Variants in PCDHGB5 observed in about 807,000 individuals in gnomAD.
PCDHGB5 encodes protocadherin gamma subfamily B, 5.
A neutral mutation model predicts 62.9 loss-of-function variants in PCDHGB5; 48 were observed. That is an observed-to-expected ratio of 0.76 (90% confidence interval 0.61 to 0.97). The LOEUF is 0.97. Among genes scored for constraint, PCDHGB5 ranks in the 50% least tolerant of loss-of-function variants. The pLI is 0.00. For missense variants in PCDHGB5, 1,118 were observed against 1,198.6 expected (o/e 0.93, Z 0.99); for synonymous variants, 474 against 511.2 (o/e 0.93, Z 0.98).
chr5:141,500,461 G>A (rs1343646600), intron 2 of PCDHGB5, among the ~76,000 whole-genome samples: 1 of 151,910 alleles, frequency 6.6e-6, no homozygotes, highest in Non-Finnish European at 1.5e-5. Flanking sequence ...CGCCCGCCTC[G>A]GCCTCCCAAA....
chr5:141,432,173 GTC>G lies in PCDHGB5; in HGVS notation c.2397+31653_2397+31654del. 6.2e-7 allele frequency: 1 copy of G among 1,614,054 alleles called. No individual in the cohort carries two copies. Among genetic ancestry groups the G allele is most frequent in the Non-Finnish European group, 8.5e-7 (1 of 1,180,018 alleles). Reference sequence around the variant, plus strand: ...GAACAATCCCAGAGGAGTTTCCCTCGTCTCTGTGACCGCCCACGACCCCGACT... The same window carrying G: ...GAACAATCCCAGAGGAGTTTCCCTCGTCTGTGACCGCCCACGACCCCGACT... On this transcript the variant is annotated intron_variant, in intron 1 of 3. Coordinates refer to ENST00000617380, the MANE Select transcript of PCDHGB5 (RefSeq NM_018925.3). This position sits in a 1 kb window ranked among gnomAD's most constrained non-coding sequence, Gnocchi z 6.0.
chr5:141,422,670 C>CA (rs754910458), intron 1 of PCDHGB5: 6 of 1,607,126 alleles, frequency 3.7e-6, no homozygotes, highest in Non-Finnish European at 1.7e-6. Flanking sequence ...TCGACCCGGA[C>CA]AGCAAACAGA....
At chr5:141,408,856 G>T in intron 1 of PCDHGB5, 1 of 1,613,518 alleles carries the variant, frequency 6.2e-7, no homozygotes, top group Non-Finnish European at 8.5e-7. Flanking sequence ...TGGACGGAGG[G>T]GACCCACCAA....
rs1456440098 is a variant in PCDHGB5 at position 141,399,413 on chromosome 5, C to A, written c.1286C>A (p.Ser429Tyr). 2 of 1,613,930 alleles carry A rather than the reference C, an allele frequency of 1.2e-6. No homozygotes were observed. The highest frequency in any genetic ancestry group is 1.3e-5 in the African/African-American group (1 of 74,950). The change falls in exon 1 of 4, where the codon TCC becomes TAC. Residue 429 changes from serine to tyrosine, a missense_variant. Around this residue, in one of 2 missense-constraint regions of PCDHGB5, gnomAD observed 1,034 missense variants for 1,029.1 expected, o/e 1.00. Coordinates refer to ENST00000617380, the MANE Select transcript of PCDHGB5 (RefSeq NM_018925.3). ...TATDRGKPPL[S>Y]SSISVILHIR... ...ACAGACAGGGGCAAGCCGCCCCTCTCCTCCAGCATAAGCGTCATCCTACAT... is the reference window on the plus strand; with the variant it reads ...ACAGACAGGGGCAAGCCGCCCCTCTACTCCAGCATAAGCGTCATCCTACAT...
At chr5:141,411,417 C>T (rs2095487286) in intron 1 of PCDHGB5, 1 of 148,614 alleles carries the variant, frequency 6.7e-6, no homozygotes, top group Non-Finnish European at 1.5e-5. Context: ...ACTAAAACAA[C>T]AACAACAAAA....
At chr5:141,450,006 CTTTTTT>C (rs1554136305) in intron 1 of PCDHGB5, among the ~76,000 whole-genome samples, 7,115 of 132,964 alleles carry the variant, frequency 0.054, 434 homozygotes, top group African/African-American at 0.14. Flanking sequence ...TGCCATGTCT[CTTTTTT>C]TTTTTTTTTT....
chr5:141,491,800 C>G lies in PCDHGB5; in HGVS notation c.2398-3007C>G. The G allele has an allele frequency of 6.7e-7, 1 of 1,500,854 alleles. No individual in the cohort carries two copies. The highest frequency in any genetic ancestry group is 8.9e-7 in the Non-Finnish European group (1 of 1,125,316). 93.0% of individuals were successfully genotyped at this position (1,500,854 alleles called of 1,614,324 possible). A position where few individuals can be genotyped will look rare whatever the true frequency, so the allele number is the denominator to read the frequency against. ...GAACTTGCATCCACTCCTCTCCGGC[C>G]GGCTTGGTCGCTGGCTGCGCTCCAC... On this transcript the variant is annotated intron_variant, in intron 1 of 3. Transcript: ENST00000617380. The surrounding 1 kb of genome is among the most constrained non-coding windows in gnomAD (Gnocchi z 6.9).
intron 1 of PCDHGB5, among the ~76,000 whole-genome samples, chr5:141,401,638 TA>T (rs2094176765): frequency 1.3e-5 from 2 of 152,242 alleles, no homozygotes; most frequent in South Asian, 4.1e-4. Context: ...TTTGGAGCTT[TA>T]AATATAAATG....
At position 141,413,407 on chromosome 5, in the gene PCDHGB5, C is replaced by G. The variant is rs372466798; in HGVS notation, c.2397+12883C>G. The G allele has an allele frequency of 3.3e-5, 53 of 1,613,926 alleles. No homozygotes were observed. Among genetic ancestry groups the G allele is most frequent in the Middle Eastern group, 1.6e-4 (1 of 6,082 alleles). ...CATAGTCTCCAGAGGTAGGACGCAG[C>G]TTTTCTCTCTGAACCCGCGCAGCGG... On this transcript the variant is annotated intron_variant, in intron 1 of 3. Transcript: ENST00000617380.
intron 2 of PCDHGB5, among the ~76,000 whole-genome samples, chr5:141,497,293 C>T (rs1270907262): frequency 6.6e-6 from 1 of 152,136 alleles, no homozygotes. Flanking sequence ...TACCTACCAC[C>T]ACCCCAGGCC....
chr5:141,500,501 G>T (rs571735791), intron 2 of PCDHGB5, among the ~76,000 whole-genome samples: 6 of 152,176 alleles, frequency 3.9e-5, no homozygotes, highest in Non-Finnish European at 8.8e-5. Context: ...GAGCCACCGC[G>T]CCTGGCCGAG....
At chr5:141,408,378 TG>T (rs780092463) in intron 1 of PCDHGB5, 2 of 1,614,002 alleles carry the variant, frequency 1.2e-6, no homozygotes, top group Admixed American at 1.7e-5. Flanking sequence ...CTCAGTGTCC[TG>T]GATGTGTCGG....
chr5:141,451,165 A>G (rs2098709571), intron 1 of PCDHGB5, among the ~76,000 whole-genome samples: 1 of 152,116 alleles, frequency 6.6e-6, no homozygotes, highest in Admixed American at 6.6e-5. Context: ...TTTTGGTAGT[A>G]TATTATTTAG....
chr5:141,420,460 A>G lies in PCDHGB5; in HGVS notation c.2397+19936A>G, dbSNP rs946386638. On this transcript the variant is annotated intron_variant, in intron 1 of 3. Coordinates refer to ENST00000617380, the MANE Select transcript of PCDHGB5 (RefSeq NM_018925.3). ...AATGCCTCAGTCTTCCTACTATTCA[A>G]AGACATTTTAAAGCAAACTACATGG... The G allele has an allele frequency of 3.4e-6, 3 of 889,944 alleles. No individual in the cohort carries two copies. The African/African-American group carries it at 5.2e-5, about 16-fold the overall frequency. 55.1% of individuals were successfully genotyped at this position (889,944 alleles called of 1,614,324 possible).
chr5:141,455,627 A>G (rs1426625737), intron 1 of PCDHGB5, among the ~76,000 whole-genome samples: 2 of 152,104 alleles, frequency 1.3e-5, no homozygotes, highest in East Asian at 3.9e-4. Context: ...ACACGTGGAG[A>G]TATGTGGGGG....
At chr5:141,448,580 TTACAAAAAGATAAAA>T (rs1484851220) in intron 1 of PCDHGB5, among the ~76,000 whole-genome samples, 1 of 152,180 alleles carries the variant, frequency 6.6e-6, no homozygotes, top group Non-Finnish European at 1.5e-5. Context: ...CCCATTTTTT[TTACAAAAAGATAAAA>T]TACTATACAC....
intron 1 of PCDHGB5, chr5:141,403,621 C>T: frequency 6.2e-7 from 1 of 1,613,926 alleles, no homozygotes; most frequent in Non-Finnish European, 8.5e-7. Flanking sequence ...CGCGTCGCTC[C>T]AGCACAGTGC....
Position 141,398,083 on chromosome 5 carries a change from C to G in PCDHGB5, c.-45C>G. 1 of 1,599,552 alleles carries G rather than the reference C, an allele frequency of 6.3e-7. No homozygotes were observed. Among genetic ancestry groups the G allele is most frequent in the Non-Finnish European group, 8.5e-7 (1 of 1,173,222 alleles). The stretch of plus-strand genomic sequence containing the variant: ...TCTACAATACAGAGGTTATTTGTAA[C>G]CTGGCGTCTCCAGGCTGGTGAGCAA... On this transcript the variant is annotated 5_prime_UTR_variant, in exon 1 of 4. Transcript: ENST00000617380.
At position 141,494,838 on chromosome 5, in the gene PCDHGB5, C is replaced by T; in HGVS notation, c.2429C>T (p.Ser810Phe). 4.3e-6 allele frequency: 7 copies of T among 1,614,166 alleles called. No homozygotes were observed. Among genetic ancestry groups the T allele is most frequent in the Non-Finnish European group, 3.4e-6 (4 of 1,180,032 alleles). Residue 810 changes from serine (S) to phenylalanine (F), a missense_variant, in exon 2 of 4, where the codon TCT becomes TTT. By Grantham distance (155) the Ser-to-Phe change is radical. Transcript: ENST00000617380. ...CCGCCCAACACGGACTGGCGTTTCT[C>T]TCAGGCCCAGAGACCCGGCACCAGC... ...QAPPNTDWRF[S>F]QAQRPGTSGS...
Sources: gnomAD v4.1 joint callset for allele counts (sites outside exome capture counted in the v4.1 genomes callset) on GRCh38, gnomAD v4.1.1 for gene constraint, gnomAD v4.1.1 regional missense constraint, Gnocchi (gnomAD v3.1) non-coding constraint, MANE v1.5 for transcripts, NCBI Gene and HGNC (gene_info 2026-07-23, HGNC 2026-07-21) for gene names.